Variants in PITPNM2 observed in about 807,000 individuals in gnomAD.
PITPNM2 encodes the protein phosphatidylinositol transfer protein membrane associated 2.
Under a neutral mutation model 132.2 loss-of-function variants are expected in PITPNM2, and 35 were observed. The observed-to-expected ratio is 0.26, with a 90% CI of 0.20 to 0.35. The LOEUF is 0.35. Ranked by LOEUF, PITPNM2 falls within the 10% of genes least tolerant of loss-of-function variation. The pLI is 1.00. For missense variants in PITPNM2, 1,332 were observed against 1,912.0 expected, an observed-to-expected ratio of 0.70 and a Z score of 5.66; for synonymous variants, 738 against 799.2, an observed-to-expected ratio of 0.92 and a Z score of 1.29.
intron 2 of PITPNM2, among the ~76,000 whole-genome samples, chr12:123,052,924 CAGCTGGGGT>C (rs1165456284): frequency 6.6e-6 from 1 of 151,888 alleles, no homozygotes; most frequent in African/African-American, 2.4e-5. Context: ...CTCTGCACCC[CAGCTGGGGT>C]ACAATGTCAC....
chr12:123,120,251 C>T (rs928165109), intron 1 of PITPNM2, among the ~76,000 whole-genome samples: 2 of 152,160 alleles, frequency 1.3e-5, no homozygotes, highest in African/African-American at 4.8e-5. Context: ...GTTTTGACTC[C>T]AACTGGCTGT....
At chr12:123,104,961 T>A (rs1271672398) in intron 2 of PITPNM2, among the ~76,000 whole-genome samples, 1 of 151,990 alleles carries the variant, frequency 6.6e-6, no homozygotes, top group East Asian at 1.9e-4. Context: ...TCACTCAGAG[T>A]CAGGGCCAAA....
At chr12:123,112,751 G>A (rs1400602754) in intron 1 of PITPNM2, among the ~76,000 whole-genome samples, 1 of 151,988 alleles carries the variant, frequency 6.6e-6, no homozygotes, top group Non-Finnish European at 1.5e-5. Flanking sequence ...TGTTAGCCAG[G>A]ATGGTCTTTA....
rs2041337625 is a variant in PITPNM2, at chr12:123,064,153, C to G, written c.-95-29468G>C. Among the ~76,000 whole-genome samples, 1 of 152,174 alleles carries G rather than the reference C, an allele frequency of 6.6e-6. No homozygotes were observed. The highest frequency in any genetic ancestry group is 1.5e-5 in the Non-Finnish European group (1 of 68,036). On this transcript the variant is annotated intron_variant, in intron 2 of 25. Coordinates refer to ENST00000320201, the MANE Select transcript of PITPNM2 (RefSeq NM_020845.3). This position sits in a 1 kb window ranked among gnomAD's most constrained non-coding sequence, Gnocchi z 4.0. ...TCACTATGCATTATTGCCAGCCTTCCCAGGGTTGGGGCCGTTGCTCACTGT... is the reference window on the plus strand; with the variant it reads ...TCACTATGCATTATTGCCAGCCTTCGCAGGGTTGGGGCCGTTGCTCACTGT...
intron 2 of PITPNM2, among the ~76,000 whole-genome samples, chr12:123,096,761 G>T (rs376521252): frequency 5.9e-5 from 9 of 152,208 alleles, no homozygotes; most frequent in African/African-American, 2.2e-4. Context: ...TCAAGAGGAG[G>T]GATCCAGGCA....
At position 122,995,658 on chromosome 12, in the gene PITPNM2, G is replaced by A. The variant is rs753498427; in HGVS notation, c.1785C>T (p.Asp595=). 6.3e-6 allele frequency: 10 copies of A among 1,589,950 alleles called. No homozygotes were observed. The highest frequency in any genetic ancestry group is 8.5e-6 in the Non-Finnish European group (10 of 1,172,128). The part of the protein sequence containing the change: ...SRRGSVVSMQ[D]NDLLSPGILM... ...GGATGCCCGGGGACAGCAGGTCATT[G>A]TCCTGGAACGGCCCCGTGGAGGCTC... is the stretch of plus-strand genomic sequence containing the variant. Residue 595 remains aspartate (D), a splice_region_variant and synonymous_variant, in exon 14 of 26, where the codon GAC becomes GAT. Coordinates refer to ENST00000320201, the MANE Select transcript of PITPNM2 (RefSeq NM_020845.3).
At position 123,029,201 on chromosome 12, in the gene PITPNM2, G is replaced by A. The variant is rs118031899; in HGVS notation, c.78+5312C>T. Among the ~76,000 whole-genome samples, 198 of 152,336 alleles carry A rather than the reference G, an allele frequency of 1.3e-3. 5 individuals carry two copies. In the East Asian group the frequency reaches 0.034, roughly 26 times the overall value. On this transcript the variant is annotated intron_variant, in intron 3 of 25. Coordinates refer to ENST00000320201, the MANE Select transcript of PITPNM2 (RefSeq NM_020845.3). ...TCCCAAAGAGGCCACCTAGGAGCCC[G>A]GAGATCTGAGCTCCAACCCTGGCCC...
At chr12:123,136,184 C>T (rs2043377824) in intron 1 of PITPNM2, among the ~76,000 whole-genome samples, 1 of 151,982 alleles carries the variant, frequency 6.6e-6, no homozygotes, top group Admixed American at 6.6e-5. Flanking sequence ...TACCTGTAGT[C>T]CCAGCTACTT....
intron 2 of PITPNM2, among the ~76,000 whole-genome samples, chr12:123,076,360 T>G (rs576068616): frequency 6.6e-6 from 1 of 152,250 alleles, no homozygotes; most frequent in South Asian, 2.1e-4. Flanking sequence ...TGAGGGTCTC[T>G]GGGGGGCTCA....
chr12:123,039,938 C>G (rs1045801413), intron 2 of PITPNM2, among the ~76,000 whole-genome samples: 6 of 152,164 alleles, frequency 3.9e-5, no homozygotes, highest in Non-Finnish European at 7.3e-5. Context: ...TTGAGACCAG[C>G]CTGAGCAACG....
chr12:123,074,966 T>C (rs562567485), intron 2 of PITPNM2, among the ~76,000 whole-genome samples: 39 of 152,306 alleles, frequency 2.6e-4, no homozygotes, highest in African/African-American at 8.7e-4. Flanking sequence ...ACCGTTTACA[T>C]GGGATCATGT....
intron 1 of PITPNM2, among the ~76,000 whole-genome samples, chr12:123,128,905 A>T (rs2043204105): frequency 1.3e-5 from 2 of 151,624 alleles, no homozygotes; most frequent in African/African-American, 4.8e-5. Flanking sequence ...GGAGGCCAAG[A>T]GGGCGTATCA....
Position 123,000,237 on chromosome 12 carries a change from C to T in PITPNM2, c.1224+541G>A, listed in dbSNP as rs1445326585. The T allele has an allele frequency of 1.2e-5, 7 of 603,144 alleles. No individual in the cohort carries two copies. Among genetic ancestry groups the T allele is most frequent in the African/African-American group, 5.6e-5 (3 of 53,852 alleles). The allele number at this position is 603,144 out of a possible 1,614,324, so 37.4% of individuals were successfully genotyped here. A position where few individuals can be genotyped will look rare whatever the true frequency, so the allele number is the denominator to read the frequency against. ...CCTGTCCCAGTGCAAACAGCTCTGACGGCCCGCAGGTGGAGGAGGATGGGG... is the reference window on the plus strand; with the variant it reads ...CCTGTCCCAGTGCAAACAGCTCTGATGGCCCGCAGGTGGAGGAGGATGGGG... On this transcript the variant is annotated intron_variant, in intron 10 of 25. Coordinates refer to ENST00000320201, the MANE Select transcript of PITPNM2 (RefSeq NM_020845.3). This position sits in a 1 kb window ranked among gnomAD's most constrained non-coding sequence, Gnocchi z 5.4.
rs1415150677 is a variant in PITPNM2 at position 123,108,802 on chromosome 12, A to G, written c.-96+1583T>C. On this transcript the variant is annotated intron_variant, in intron 2 of 25. Transcript: ENST00000320201. The surrounding 1 kb of genome is among the most constrained non-coding windows in gnomAD (Gnocchi z 4.4). ...AGGCAACTTAAGAGGCCCCATCACAACGTGCCCTATCTTCCCAGCAAGGAT... is the reference window on the plus strand; with the variant it reads ...AGGCAACTTAAGAGGCCCCATCACAGCGTGCCCTATCTTCCCAGCAAGGAT... Among the ~76,000 whole-genome samples, 1 of 152,118 alleles carries G rather than the reference A, an allele frequency of 6.6e-6. No homozygotes were observed. Among genetic ancestry groups the G allele is most frequent in the Non-Finnish European group, 1.5e-5 (1 of 68,010 alleles).
intron 1 of PITPNM2, among the ~76,000 whole-genome samples, chr12:123,135,028 A>T (rs2043347183): frequency 1.3e-5 from 2 of 152,152 alleles, no homozygotes; most frequent in Admixed American, 1.3e-4. Flanking sequence ...CTAGCCTGGG[A>T]ACCTAACCAT....
intron 2 of PITPNM2, chr12:123,075,597 T>A (rs1438675849): frequency 1.3e-5 from 2 of 152,200 alleles, no homozygotes; most frequent in East Asian, 3.9e-4. Context: ...GCCAATGAGG[T>A]GATTATTCCA....
chr12:123,141,166 T>G (rs2137659060), intron 1 of PITPNM2, among the ~76,000 whole-genome samples: 1 of 152,262 alleles, frequency 6.6e-6, no homozygotes, highest in Admixed American at 6.5e-5. Context: ...GCCTAAGTCA[T>G]GACATCTCTG....
rs1338626006 is a variant in PITPNM2, at chr12:123,151,016, G to C, written c.-463C>G. 6.9e-6 allele frequency among the ~76,000 whole-genome samples: 1 copy of C among 145,922 alleles called. No homozygotes were observed. The highest frequency in any genetic ancestry group is 2.0e-4 in the East Asian group (1 of 5,074). On this transcript the variant is annotated 5_prime_UTR_variant, in exon 1 of 26. Coordinates refer to ENST00000320201, the MANE Select transcript of PITPNM2 (RefSeq NM_020845.3). ...CCGCGAGCTGAGAAGGAAGCGCCGG[G>C]CGGGCGGCCGGGGCCGGCTGGACAG... is the stretch of plus-strand genomic sequence containing the variant.
intron 2 of PITPNM2, among the ~76,000 whole-genome samples, chr12:123,048,540 G>A: frequency 6.6e-6 from 1 of 152,020 alleles, no homozygotes; most frequent in East Asian, 1.9e-4. Flanking sequence ...AGCCTCCCGA[G>A]TAGCTGGGAC....
Sources: gnomAD v4.1 joint callset for allele counts (sites outside exome capture counted in the v4.1 genomes callset) on GRCh38, gnomAD v4.1.1 for gene constraint, Gnocchi (gnomAD v3.1) non-coding constraint, MANE v1.5 for transcripts, NCBI Gene and HGNC (gene_info 2026-07-23, HGNC 2026-07-21) for gene names.